The following RBPMS2 variants were observed in gnomAD, a reference collection of about 807,000 sequenced individuals.
The protein encoded by RBPMS2 is RNA binding protein, mRNA processing factor 2.
RBPMS2 carries 14 observed loss-of-function variants against 25.7 expected under a neutral mutation model. The ratio of observed to expected loss-of-function variants is 0.55; its 90% confidence interval spans 0.36 to 0.85. The LOEUF (loss-of-function observed/expected upper bound fraction) is 0.85, where lower values mean the gene tolerates loss of function less well. RBPMS2 is among the 40% of genes least tolerant of loss of function. The pLI, the probability that RBPMS2 is intolerant of heterozygous loss-of-function variation, is 0.01. For synonymous variants in RBPMS2, 127 were observed against 115.6 expected, an observed-to-expected ratio of 1.10 and a Z score of -0.63; for missense variants, 252 against 283.4, an observed-to-expected ratio of 0.89 and a Z score of 0.80.
chr15:64,766,681 A>G (rs983143182), intron 1 of RBPMS2, among the ~76,000 whole-genome samples: 3 of 151,740 alleles, frequency 2.0e-5, no homozygotes, highest in African/African-American at 7.3e-5. Flanking sequence ...GCCTGCCACC[A>G]CACCCGGCTA....
Position 64,763,446 on chromosome 15 carries a change from C to T in RBPMS2, c.87+11787G>A, listed in dbSNP as rs544753753. Among the ~76,000 whole-genome samples, 3 of 152,248 alleles carry T rather than the reference C, an allele frequency of 2.0e-5. No individual in the cohort carries two copies. In the East Asian group the frequency reaches 5.8e-4, roughly 29 times the overall value. ...TGGCCCCAGAGTTTACCAGTGTCAC[C>T]ACAGCCTCACCTAGTAAGGACAAGT... is the stretch of plus-strand genomic sequence containing the variant. On this transcript the variant is annotated intron_variant, in intron 1 of 7. Transcript: ENST00000300069.
At chr15:64,764,874 C>T (rs1228324984) in intron 1 of RBPMS2, among the ~76,000 whole-genome samples, 9 of 145,416 alleles carry the variant, frequency 6.2e-5, no homozygotes, top group Admixed American at 2.1e-4. Context: ...GCTGAGACCA[C>T]GCCACTGCAC....
chr15:64,761,436 G>T (rs2098025819), intron 1 of RBPMS2, among the ~76,000 whole-genome samples: 1 of 152,238 alleles, frequency 6.6e-6, no homozygotes, highest in Non-Finnish European at 1.5e-5. Context: ...GAAACAGCCT[G>T]TTCCCAAGTG....
chr15:64,763,510 G>A (rs1595793557), intron 1 of RBPMS2, among the ~76,000 whole-genome samples: 1 of 152,312 alleles, frequency 6.6e-6, no homozygotes. Context: ...GCCTGCCCCT[G>A]CTATCCCTCT....
chr15:64,756,677 T>C (rs1050521410), intron 1 of RBPMS2, among the ~76,000 whole-genome samples: 9 of 150,918 alleles, frequency 6.0e-5, no homozygotes, highest in African/African-American at 2.2e-4. Flanking sequence ...AGTCTCGCTC[T>C]GTTGCCCAGG....
chr15:64,763,003 C>A (rs1567069516), intron 1 of RBPMS2, among the ~76,000 whole-genome samples: 1 of 144,810 alleles, frequency 6.9e-6, no homozygotes, highest in Non-Finnish European at 1.5e-5. Context: ...GGCTGCCGAA[C>A]AGAAACGTCA....
chr15:64,744,952 T>C (rs2083604882), intron 6 of RBPMS2, among the ~76,000 whole-genome samples: 1 of 151,382 alleles, frequency 6.6e-6, no homozygotes, highest in South Asian at 2.1e-4. Flanking sequence ...GTAGCTGGGG[T>C]TACAGGTGCC....
chr15:64,768,202 T>C (rs543323967), intron 1 of RBPMS2, among the ~76,000 whole-genome samples: 1 of 152,304 alleles, frequency 6.6e-6, no homozygotes, highest in South Asian at 2.1e-4. Flanking sequence ...AAGTGTGCCA[T>C]TTGTAGAGAA....
In RBPMS2 at chr15:64,740,789, T is replaced by G. The variant is rs2141050768; in HGVS notation, c.*219A>C. ...CCCCAGGGAGAAAGTCCCCAAATCC[T>G]CCTGGGAGGCATTGGAGAAAGGCTT... is the stretch of plus-strand genomic sequence containing the variant. On this transcript the variant is annotated 3_prime_UTR_variant, in exon 8 of 8. Transcript: ENST00000300069. 6.2e-6 allele frequency: 1 copy of G among 162,368 alleles called. No homozygotes were observed. Among genetic ancestry groups the G allele is most frequent in the Non-Finnish European group, 1.4e-5 (1 of 73,944 alleles). 10.1% of individuals were successfully genotyped at this position (162,368 alleles called of 1,614,324 possible). A position where few individuals can be genotyped will look rare whatever the true frequency, so the allele number is the denominator to read the frequency against.
Position 64,749,135 on chromosome 15 carries a change from G to A in RBPMS2, c.283C>T (p.Pro95Ser), listed in dbSNP as rs748590604. The A allele has an allele frequency of 6.8e-6, 11 of 1,614,166 alleles. No homozygotes were observed. Among genetic ancestry groups the A allele is most frequent in the Non-Finnish European group, 9.3e-6 (11 of 1,180,030 alleles). Residue 95 changes from proline to serine, a missense_variant, in exon 5 of 8, where the codon CCC becomes TCC. By Grantham distance (74) the Pro-to-Ser change is moderately conservative. Coordinates refer to ENST00000300069, the MANE Select transcript of RBPMS2 (RefSeq NM_194272.3). ...AGCCTCAGAGTCTGTGGATTTTCGGGATCAAAGCGAATACCCTACATGGGT... is the reference window on the plus strand; with the variant it reads ...AGCCTCAGAGTCTGTGGATTTTCGGAATCAAAGCGAATACCCTACATGGGT... ...KNALNGIRFD[P>S]ENPQTLRLEF...
chr15:64,775,579 C>G lies in RBPMS2; in HGVS notation c.-260G>C, dbSNP rs1253452391. 1 of 33,962 alleles carries G rather than the reference C, an allele frequency of 2.9e-5. No homozygotes were observed. The highest frequency in any genetic ancestry group is 5.1e-5 in the Non-Finnish European group (1 of 19,496). 2.1% of individuals were successfully genotyped at this position (33,962 alleles called of 1,614,324 possible). A position where few individuals can be genotyped will look rare whatever the true frequency, so the allele number is the denominator to read the frequency against. On this transcript the variant is annotated 5_prime_UTR_variant, in exon 1 of 8. Coordinates refer to ENST00000300069, the MANE Select transcript of RBPMS2 (RefSeq NM_194272.3). ...CGCCGCCTCCGCCTTTTCACTGCGA[C>G]CGGCGAGTGCGCCGCGGCGGCGGCG... is the stretch of plus-strand genomic sequence containing the variant.
chr15:64,748,051 G>A (rs867776403), intron 6 of RBPMS2, among the ~76,000 whole-genome samples: 2 of 152,170 alleles, frequency 1.3e-5, no homozygotes, highest in South Asian at 4.2e-4. Flanking sequence ...TGATGAAAGG[G>A]ACAGGAAGGG....
Position 64,772,896 on chromosome 15 carries a change from G to A in RBPMS2, c.87+2337C>T, listed in dbSNP as rs1195698467. On this transcript the variant is annotated intron_variant, in intron 1 of 7. Coordinates refer to ENST00000300069, the MANE Select transcript of RBPMS2 (RefSeq NM_194272.3). ...TCCAGAAAGAAAACTTAATGCGTAT[G>A]ACATGGATAAAGCCTATAGGTAAGG... is the stretch of plus-strand genomic sequence containing the variant. 3.3e-5 allele frequency among the ~76,000 whole-genome samples: 5 copies of A among 152,286 alleles called. No homozygotes were observed. The South Asian group carries it at 1.0e-3, about 32-fold the overall frequency.
At chr15:64,768,238 G>A (rs1354671740) in intron 1 of RBPMS2, among the ~76,000 whole-genome samples, 1 of 152,154 alleles carries the variant, frequency 6.6e-6, no homozygotes, top group Non-Finnish European at 1.5e-5. Context: ...CTTGGGCGTG[G>A]CAACTCACAT....
At chr15:64,762,544 G>T in intron 1 of RBPMS2, 1 of 533,866 alleles carries the variant, frequency 1.9e-6, no homozygotes, top group South Asian at 1.4e-5. Context: ...ACCCCACTGA[G>T]AACCAGGACA....
At position 64,775,271 on chromosome 15, in the gene RBPMS2, C is replaced by T. The variant is rs1341971766; in HGVS notation, c.49G>A (p.Gly17Ser). The T allele has an allele frequency of 2.2e-6, 3 of 1,344,542 alleles. No individual in the cohort carries two copies. The highest frequency in any genetic ancestry group is 2.9e-5 in the Admixed American group (1 of 34,514). The allele number at this position is 1,344,542 out of a possible 1,614,324, so 83.3% of individuals were successfully genotyped here. A position where few individuals can be genotyped will look rare whatever the true frequency, so the allele number is the denominator to read the frequency against. The change falls in exon 1 of 8, where the codon GGC (glycine) becomes AGC (serine). Residue 17 changes from glycine to serine, a missense_variant. Transcript: ENST00000300069. ...GCGCCGCCGGAGCCCGCGCCGGAGC[C>T]GGTGCCGGTGCTGCCGCCGTGCTCG... ...DGEHGGSTGTGSGAGSGGALE... is the reference protein window; with the variant it reads ...DGEHGGSTGTSSGAGSGGALE...
chr15:64,751,262 G>A (rs2083676373), intron 2 of RBPMS2, among the ~76,000 whole-genome samples: 2 of 151,718 alleles, frequency 1.3e-5, no homozygotes, highest in Admixed American at 1.3e-4. Context: ...GAACCCAGGA[G>A]GCAGCGGTTG....
chr15:64,741,530 A>G (rs1449897701), intron 6 of RBPMS2, among the ~76,000 whole-genome samples: 1 of 152,142 alleles, frequency 6.6e-6, no homozygotes, highest in Non-Finnish European at 1.5e-5. Context: ...TACTGGTGGG[A>G]GCCCTGGCAG....
rs1007914852 is a variant in RBPMS2 at position 64,775,501 on chromosome 15, T to G, written c.-182A>C. On this transcript the variant is annotated 5_prime_UTR_variant, in exon 1 of 8. Transcript: ENST00000300069. ...CCAGGGTCACATCAAGTTTGGCGGG[T>G]GCGGAAGGTGGGGAGGGGGTGCGGC... is the stretch of plus-strand genomic sequence containing the variant. 2 of 101,778 alleles carry G rather than the reference T, an allele frequency of 2.0e-5. No individual in the cohort carries two copies. The highest frequency in any genetic ancestry group is 3.9e-4 in the South Asian group (1 of 2,574). 6.3% of individuals were successfully genotyped at this position (101,778 alleles called of 1,614,324 possible).
Sources: allele counts gnomAD v4.1 joint callset (sites outside exome capture counted in the v4.1 genomes callset), GRCh38; gene constraint gnomAD v4.1.1; transcripts MANE v1.5; gene names NCBI Gene and HGNC (gene_info 2026-07-23, HGNC 2026-07-21).